The following PLEKHM3 variants were observed in gnomAD, a reference collection of about 807,000 sequenced individuals.
The protein encoded by PLEKHM3 is pleckstrin homology domain containing M3, also known as pleckstrin homology domain-containing family M member 3.
In PLEKHM3, 45 loss-of-function variants were observed where a neutral mutation model predicts 81.8. The observed-to-expected ratio is 0.55, with a 90% CI of 0.43 to 0.71. PLEKHM3 has a LOEUF of 0.71. PLEKHM3 is among the 30% of genes least tolerant of loss of function. PLEKHM3 has a pLI of 0.00. For synonymous variants in PLEKHM3, 352 were observed against 356.4 expected (o/e 0.99, Z 0.14); for missense variants, 788 against 924.3 (o/e 0.85, Z 1.91).
In PLEKHM3 at chr2:207,977,550, C is replaced by A. The variant is rs776779618; in HGVS notation, c.647G>T (p.Gly216Val). 2.5e-6 allele frequency: 4 copies of A among 1,611,720 alleles called. No individual in the cohort carries two copies. Among genetic ancestry groups the A allele is most frequent in the African/African-American group, 1.3e-5 (1 of 74,692 alleles). ...KQTFPNILKKGYLEIRKDHDS... is the reference protein window; with the variant it reads ...KQTFPNILKKVYLEIRKDHDS... ...ATGGTCCTTTCTAATCTCCAGGTAA[C>A]CCTTCTTTAGAATGTTTGGGAATGT... is the stretch of plus-strand genomic sequence containing the variant. The change falls in exon 3 of 8, where the codon GGT becomes GTT. Residue 216 changes from glycine (G) to valine (V), a missense_variant. Transcript: ENST00000427836.
Position 207,955,953 on chromosome 2 carries a change from T to C in PLEKHM3, c.1547-9441A>G, listed in dbSNP as rs140519300. Reference sequence around the variant, plus strand: ...TGAGGAAAGGAGGAAGCAATCACTATTGTGGAGATCGAGGAAGGCTGTGTC... The same window carrying C: ...TGAGGAAAGGAGGAAGCAATCACTACTGTGGAGATCGAGGAAGGCTGTGTC... On this transcript the variant is annotated intron_variant, in intron 3 of 7. Coordinates refer to ENST00000427836, the MANE Select transcript of PLEKHM3 (RefSeq NM_001080475.3). Among the ~76,000 whole-genome samples, 24 of 152,240 alleles carry C rather than the reference T, an allele frequency of 1.6e-4. No homozygotes were observed. The East Asian group carries it at 4.4e-3, about 28-fold the overall frequency.
In PLEKHM3 at chr2:207,931,247, T is replaced by C. The variant is rs181897020; in HGVS notation, c.1693-128A>G. The C allele has an allele frequency of 1.8e-4, 161 of 892,530 alleles. No homozygotes were observed. The East Asian group carries it at 4.5e-3, about 25-fold the overall frequency. The allele number at this position is 892,530 out of a possible 1,614,324, so 55.3% of individuals were successfully genotyped here. On this transcript the variant is annotated intron_variant, in intron 4 of 7. Coordinates refer to ENST00000427836, the MANE Select transcript of PLEKHM3 (RefSeq NM_001080475.3). ...TTCTCAATACAGACAAATGAAAAAGTCTGTAGTTGAATTAAATGTAAATTT... is the reference window on the plus strand; with the variant it reads ...TTCTCAATACAGACAAATGAAAAAGCCTGTAGTTGAATTAAATGTAAATTT...
At chr2:207,898,539 AC>A (rs1688317234) in intron 6 of PLEKHM3, among the ~76,000 whole-genome samples, 1 of 152,002 alleles carries the variant, frequency 6.6e-6, no homozygotes, top group Non-Finnish European at 1.5e-5. Context: ...AAATCACTTG[AC>A]CCCAGGAGTT....
chr2:207,897,748 C>T (rs1381272409), intron 6 of PLEKHM3, among the ~76,000 whole-genome samples: 1 of 152,168 alleles, frequency 6.6e-6, no homozygotes, highest in Non-Finnish European at 1.5e-5. Context: ...GGCGTGCTGG[C>T]CTCCTAAAAG....
chr2:207,879,902 G>A (rs1262320581), intron 6 of PLEKHM3, among the ~76,000 whole-genome samples: 4 of 152,154 alleles, frequency 2.6e-5, no homozygotes, highest in Non-Finnish European at 4.4e-5. Context: ...TTTGGTACAT[G>A]TTCAGCTCCT....
At chr2:207,885,196 C>T (rs1401578284) in intron 6 of PLEKHM3, among the ~76,000 whole-genome samples, 1 of 152,218 alleles carries the variant, frequency 6.6e-6, no homozygotes, top group African/African-American at 2.4e-5. Context: ...TACTCTCTTC[C>T]TTAGAGCAGT....
intron 3 of PLEKHM3, among the ~76,000 whole-genome samples, chr2:207,959,488 C>G: frequency 6.6e-6 from 1 of 152,148 alleles, no homozygotes; most frequent in East Asian, 1.9e-4. Context: ...ATTTAGAAGT[C>G]GCTTCTTACA....
rs1402864851 is a variant in PLEKHM3 at position 207,870,867 on chromosome 2, G to A, written c.1951-9605C>T. On this transcript the variant is annotated intron_variant, in intron 6 of 7. Transcript: ENST00000427836. ...TGATGCCTGTAATCCCAGCACTTTCGGAGGCCAAGGTGGGAGGATCACTTG... is the reference window on the plus strand; with the variant it reads ...TGATGCCTGTAATCCCAGCACTTTCAGAGGCCAAGGTGGGAGGATCACTTG... 2.0e-5 allele frequency among the ~76,000 whole-genome samples: 3 copies of A among 152,186 alleles called. No individual in the cohort carries two copies. In the East Asian group the frequency reaches 5.8e-4, roughly 29 times the overall value.
chr2:207,972,048 T>C (rs1178760245), intron 3 of PLEKHM3, among the ~76,000 whole-genome samples: 1 of 152,220 alleles, frequency 6.6e-6, no homozygotes, highest in Non-Finnish European at 1.5e-5. Flanking sequence ...CTTTTGACAT[T>C]CACTGATGTG....
chr2:207,972,593 A>G (rs1048535059), intron 3 of PLEKHM3, among the ~76,000 whole-genome samples: 3 of 151,756 alleles, frequency 2.0e-5, no homozygotes, highest in African/African-American at 7.2e-5. Flanking sequence ...TCTCAAAAAA[A>G]AAAAAAAAAA....
intron 4 of PLEKHM3, 78 bp from the exon 5 acceptor site, chr2:207,931,197 G>A (rs982841789): frequency 1.1e-5 from 15 of 1,307,084 alleles, no homozygotes; most frequent in Non-Finnish European, 1.3e-5. Context: ...AACCATAGCT[G>A]AAATATCAAA....
chr2:207,961,339 T>C (rs1015937436), intron 3 of PLEKHM3, among the ~76,000 whole-genome samples: 3 of 152,216 alleles, frequency 2.0e-5, no homozygotes, highest in African/African-American at 7.2e-5. Context: ...AGCAAAGTTT[T>C]TGGTTCAGCC....
chr2:207,999,623 G>A (rs1692230229), intron 2 of PLEKHM3, among the ~76,000 whole-genome samples: 1 of 152,062 alleles, frequency 6.6e-6, no homozygotes, highest in East Asian at 1.9e-4. Flanking sequence ...GATTTTAAAA[G>A]AAGAAAAAAT....
At chr2:207,881,748 C>T (rs2092592671) in intron 6 of PLEKHM3, among the ~76,000 whole-genome samples, 1 of 152,224 alleles carries the variant, frequency 6.6e-6, no homozygotes, top group South Asian at 2.1e-4. Flanking sequence ...TTCTCCTTGG[C>T]TCTGGGCTCC....
intron 3 of PLEKHM3, among the ~76,000 whole-genome samples, chr2:207,974,059 C>A (rs542146459): frequency 3.3e-5 from 5 of 152,296 alleles, no homozygotes; most frequent in Admixed American, 3.3e-4. Flanking sequence ...TGATTCCGTA[C>A]TACTACCCTT....
intron 6 of PLEKHM3, among the ~76,000 whole-genome samples, chr2:207,871,936 C>T (rs1243423199): frequency 2.6e-5 from 4 of 152,194 alleles, no homozygotes. Context: ...ATTTAGGTCT[C>T]TACTATTCCT....
At chr2:207,953,725 G>A (rs986225978) in intron 3 of PLEKHM3, among the ~76,000 whole-genome samples, 1 of 151,992 alleles carries the variant, frequency 6.6e-6, no homozygotes, top group Non-Finnish European at 1.5e-5. Context: ...TGCTTTTCCT[G>A]GGGCAGGAGA....
chr2:207,965,106 A>G (rs1174124954), intron 3 of PLEKHM3, among the ~76,000 whole-genome samples: 1 of 152,192 alleles, frequency 6.6e-6, no homozygotes, highest in Non-Finnish European at 1.5e-5. Flanking sequence ...GGTCCATGAA[A>G]AGCTTAGTTT....
rs190365685 is a variant in PLEKHM3 at position 207,850,389 on chromosome 2, T to C, written c.2108+10716A>G. Reference sequence around the variant, plus strand: ...GCATAAAGGTCACAAAGTCTTTAAGTACAATGTTCTTCATAGTGAAAAACC... The same window carrying C: ...GCATAAAGGTCACAAAGTCTTTAAGCACAATGTTCTTCATAGTGAAAAACC... On this transcript the variant is annotated intron_variant, in intron 7 of 7. Coordinates refer to ENST00000427836, the MANE Select transcript of PLEKHM3 (RefSeq NM_001080475.3). Among the ~76,000 whole-genome samples, 161 of 152,332 alleles carry C rather than the reference T, an allele frequency of 1.1e-3. 1 individual carries two copies. Among genetic ancestry groups the C allele is most frequent in the African/African-American group, 3.4e-3 (143 of 41,566 alleles).
Sources: allele counts gnomAD v4.1 joint callset (sites outside exome capture counted in the v4.1 genomes callset), GRCh38; gene constraint gnomAD v4.1.1; transcripts MANE v1.5; gene names NCBI Gene and HGNC (gene_info 2026-07-23, HGNC 2026-07-21).